EYS: variants seen among roughly 807,000 people sequenced by gnomAD.
EYS encodes EGF-like photoreceptor maintenance factor.
EYS carries 250 observed loss-of-function variants against 282.1 expected under a neutral mutation model. The ratio of observed to expected loss-of-function variants is 0.89; its 90% CI spans 0.80 to 0.98. The LOEUF is 0.98. Ranked by LOEUF, EYS falls within the 50% of genes least tolerant of loss-of-function variation. The pLI, the probability that EYS is intolerant of heterozygous loss-of-function variation, is 0.00. For missense variants in EYS, 4,016 were observed against 3,709.0 expected, an observed-to-expected ratio of 1.08 and a Z score of -2.15; for synonymous variants, 1,355 against 1,282.9, an observed-to-expected ratio of 1.06 and a Z score of -1.20.
intron 29 of EYS, among the ~76,000 whole-genome samples, chr6:64,375,957 A>G (rs1772549335): frequency 1.3e-5 from 2 of 152,212 alleles, no homozygotes; most frequent in Non-Finnish European, 2.9e-5. Flanking sequence ...ACTAAATTTT[A>G]TTCCATTGAA....
intron 2 of EYS, among the ~76,000 whole-genome samples, chr6:65,597,955 C>T (rs1018103942): frequency 1.3e-5 from 2 of 151,916 alleles, no homozygotes; most frequent in African/African-American, 2.4e-5. Context: ...AAAAAGTTAA[C>T]TGGACATGGT....
At chr6:64,879,920 A>G (rs1343946631) in intron 19 of EYS, among the ~76,000 whole-genome samples, 4 of 152,030 alleles carry the variant, frequency 2.6e-5, no homozygotes, top group African/African-American at 9.7e-5. Flanking sequence ...GGTAAATATC[A>G]GAAGTATTAA....
chr6:64,189,150 C>T (rs1356114435), intron 31 of EYS, among the ~76,000 whole-genome samples: 1 of 152,174 alleles, frequency 6.6e-6, no homozygotes, highest in East Asian at 1.9e-4. Context: ...TCATCAGCAC[C>T]AGTTAAAAGT....
chr6:63,967,284 T>C (rs115526528), intron 35 of EYS, among the ~76,000 whole-genome samples: 58 of 152,316 alleles, frequency 3.8e-4, no homozygotes, highest in African/African-American at 1.3e-3. Flanking sequence ...AACTTATTAA[T>C]TGTTTATTTT....
intron 40 of EYS, among the ~76,000 whole-genome samples, chr6:63,763,957 C>A (rs1341719378): frequency 6.7e-6 from 1 of 149,382 alleles, no homozygotes; most frequent in Non-Finnish European, 1.5e-5. Context: ...CCTCCGGCCT[C>A]CCTCCCTCCC....
chr6:64,534,653 T>A (rs764661236), intron 26 of EYS, among the ~76,000 whole-genome samples: 2 of 152,188 alleles, frequency 1.3e-5, no homozygotes, highest in Non-Finnish European at 2.9e-5. Flanking sequence ...AAATACTTTT[T>A]TCATCTGGTT....
intron 31 of EYS, among the ~76,000 whole-genome samples, chr6:64,169,730 C>T (rs553404237): frequency 5.9e-5 from 9 of 152,126 alleles, no homozygotes; most frequent in Non-Finnish European, 1.2e-4. Context: ...TCAACTCAAA[C>T]AGAAGTCCGG....
chr6:64,998,125 G>C (rs1771336488), intron 13 of EYS, among the ~76,000 whole-genome samples: 1 of 152,136 alleles, frequency 6.6e-6, no homozygotes. Context: ...TTCTATGTAT[G>C]ACAGAATATA....
intron 2 of EYS, among the ~76,000 whole-genome samples, chr6:65,552,699 A>G (rs1321638816): frequency 6.6e-6 from 1 of 152,152 alleles, no homozygotes. Context: ...TTTATGTGTC[A>G]TATTAATGGG....
At chr6:65,026,872 G>T (rs537222610) in intron 13 of EYS, among the ~76,000 whole-genome samples, 1 of 149,952 alleles carries the variant, frequency 6.7e-6, no homozygotes, top group African/African-American at 2.4e-5. Context: ...AGCCAAGATC[G>T]TGCCATTGCA....
intron 2 of EYS, among the ~76,000 whole-genome samples, chr6:65,514,045 T>C (rs1402236310): frequency 2.6e-5 from 4 of 152,042 alleles, no homozygotes; most frequent in Admixed American, 6.6e-5. Flanking sequence ...GAAAACCCCA[T>C]TGTCTCAGCC....
intron 19 of EYS, among the ~76,000 whole-genome samples, chr6:64,859,219 C>A (rs1766160473): frequency 6.8e-6 from 1 of 147,446 alleles, no homozygotes. Context: ...ATATTTATAT[C>A]TAATATATTT....
At chr6:64,900,096 T>C (rs749857859) in intron 18 of EYS, among the ~76,000 whole-genome samples, 1 of 152,128 alleles carries the variant, frequency 6.6e-6, no homozygotes, top group Non-Finnish European at 1.5e-5. Context: ...AACCATCTGA[T>C]CTTTGACAAA....
At chr6:64,869,047 T>A (rs376491567) in intron 19 of EYS, among the ~76,000 whole-genome samples, 2 of 151,558 alleles carry the variant, frequency 1.3e-5, no homozygotes, top group African/African-American at 4.8e-5. Context: ...AGAAATTGAG[T>A]TTTCTTAGAT....
chr6:65,207,644 G>C (rs934725978), intron 12 of EYS, among the ~76,000 whole-genome samples: 1 of 151,456 alleles, frequency 6.6e-6, no homozygotes, highest in Non-Finnish European at 1.5e-5. Context: ...AAGGGTATAC[G>C]AACCAAAAGA....
chr6:65,253,698 A>G (rs575109126), intron 12 of EYS, among the ~76,000 whole-genome samples: 3 of 152,048 alleles, frequency 2.0e-5, no homozygotes, highest in Admixed American at 2.0e-4. Flanking sequence ...AAGTCACTGT[A>G]GACCATAGCT....
chr6:65,311,430 A>T, intron 11 of EYS, among the ~76,000 whole-genome samples: 1 of 152,234 alleles, frequency 6.6e-6, no homozygotes, highest in East Asian at 1.9e-4. Flanking sequence ...GATAACACTT[A>T]GTCCTGGACT....
intron 15 of EYS, among the ~76,000 whole-genome samples, chr6:64,938,427 A>ACTTATGT (rs1246856300): frequency 1.3e-5 from 2 of 151,536 alleles, no homozygotes; most frequent in Non-Finnish European, 3.0e-5. Context: ...ATTGTTGTTA[A>ACTTATGT]TCTCTTAATG....
At chr6:64,506,739 C>T (rs1007783601) in intron 26 of EYS, among the ~76,000 whole-genome samples, 3 of 151,920 alleles carry the variant, frequency 2.0e-5, no homozygotes, top group East Asian at 1.9e-4. Flanking sequence ...GGTGAAACCC[C>T]GTCTCTACTA....
Sources: allele counts gnomAD v4.1 joint callset (sites outside exome capture counted in the v4.1 genomes callset), GRCh38; gene constraint gnomAD v4.1.1; transcripts MANE v1.5; gene names NCBI Gene and HGNC (gene_info 2026-07-23, HGNC 2026-07-21).